Variants in EMCN observed in about 807,000 individuals in gnomAD.
EMCN encodes endomucin.
In EMCN, 37 loss-of-function variants were observed where a neutral mutation model predicts 38.4. That is an observed-to-expected ratio of 0.96 (90% CI 0.74 to 1.27). EMCN has a LOEUF of 1.27. EMCN is among the 50% of genes most tolerant of loss of function. The pLI is 0.00. For missense variants in EMCN, 318 were observed against 302.8 expected, an observed-to-expected ratio of 1.05 and a Z score of -0.37; for synonymous variants, 95 against 100.8, an observed-to-expected ratio of 0.94 and a Z score of 0.35.
In EMCN at chr4:100,486,937, T is replaced by C. The variant is rs577059627; in HGVS notation, c.65-6898A>G. On this transcript the variant is annotated intron_variant, in intron 1 of 11. Coordinates refer to ENST00000296420, the MANE Select transcript of EMCN (RefSeq NM_016242.4). ...AATGGATAATTCTTCAAAGATCATG[T>C]TCCATAGTAATGAGATATTTTTAGA... 3 of 985,388 alleles carry C rather than the reference T, an allele frequency of 3.0e-6. No homozygotes were observed. In the South Asian group the frequency reaches 1.4e-4, roughly 46 times the overall value. The allele number at this position is 985,388 out of a possible 1,614,324, so 61.0% of individuals were successfully genotyped here. A position where few individuals can be genotyped will look rare whatever the true frequency, so the allele number is the denominator to read the frequency against.
chr4:100,408,262 G>A (rs1726450520), intron 11 of EMCN, among the ~76,000 whole-genome samples: 1 of 152,202 alleles, frequency 6.6e-6, no homozygotes, highest in Non-Finnish European at 1.5e-5. Flanking sequence ...CTGCAGAGCA[G>A]CTAGTTCAGT....
chr4:100,486,030 A>G (rs549158631), intron 1 of EMCN, among the ~76,000 whole-genome samples: 9 of 152,212 alleles, frequency 5.9e-5, no homozygotes, highest in Admixed American at 1.3e-4. Flanking sequence ...AGAGTAACTT[A>G]AAAGTTTTTT....
intron 1 of EMCN, among the ~76,000 whole-genome samples, chr4:100,504,825 T>G: frequency 6.6e-6 from 1 of 152,170 alleles, no homozygotes; most frequent in East Asian, 1.9e-4. Flanking sequence ...ACCCTACTCC[T>G]CCACCTCTTG....
At chr4:100,478,463 A>G (rs1728718635) in intron 2 of EMCN, among the ~76,000 whole-genome samples, 1 of 152,092 alleles carries the variant, frequency 6.6e-6, no homozygotes, top group Non-Finnish European at 1.5e-5. Context: ...ATATTTTTTG[A>G]GATGCATATT....
At chr4:100,477,016 T>C (rs188799469) in intron 2 of EMCN, among the ~76,000 whole-genome samples, 324 of 152,334 alleles carry the variant, frequency 2.1e-3, no homozygotes, top group Middle Eastern at 3.4e-3. Flanking sequence ...AGTTTCTACA[T>C]AGAGGATGTA....
At chr4:100,512,053 G>A (rs1189888530) in intron 1 of EMCN, among the ~76,000 whole-genome samples, 1 of 152,144 alleles carries the variant, frequency 6.6e-6, no homozygotes, top group Non-Finnish European at 1.5e-5. Flanking sequence ...AAGAAAGCAG[G>A]ATATATGCAT....
intron 8 of EMCN, 57 bp from the exon 9 acceptor site, chr4:100,417,198 G>T (rs1726761270): frequency 6.5e-7 from 1 of 1,547,122 alleles, no homozygotes; most frequent in Non-Finnish European, 8.9e-7. Flanking sequence ...CCATAAATAT[G>T]AGCAAGCCCC....
At chr4:100,500,856 C>A (rs946834584) in intron 1 of EMCN, among the ~76,000 whole-genome samples, 6 of 151,892 alleles carry the variant, frequency 4.0e-5, no homozygotes, top group Admixed American at 3.3e-4. Flanking sequence ...ATTTTTATTT[C>A]TATTATTGCA....
chr4:100,431,318 G>C (rs866374905), intron 5 of EMCN, among the ~76,000 whole-genome samples: 4 of 152,170 alleles, frequency 2.6e-5, no homozygotes, highest in African/African-American at 9.7e-5. Flanking sequence ...ATATTGAATG[G>C]GCCACAGGTG....
intron 1 of EMCN, among the ~76,000 whole-genome samples, chr4:100,503,053 G>A (rs980722593): frequency 4.6e-5 from 7 of 151,876 alleles, no homozygotes; most frequent in Non-Finnish European, 1.0e-4. Flanking sequence ...TCAACAATAA[G>A]CTAACTTTGT....
Position 100,415,910 on chromosome 4 carries a change from A to C in EMCN, c.739T>G (p.Ser247Ala). ...TCTGGAAACTTACCAGACTCATGAG[A>C]AATTGTCTTAACGGTAAGAAGCTTC... Reference protein sequence around the residue: ...SVKLLTVKTISHESGEHSAQG... With the variant: ...SVKLLTVKTIAHESGEHSAQG... Residue 247 changes from serine to alanine, a missense_variant, in exon 10 of 12, where the codon TCT (serine) becomes GCT (alanine). Coordinates refer to ENST00000296420, the MANE Select transcript of EMCN (RefSeq NM_016242.4). 6.3e-7 allele frequency: 1 copy of C among 1,586,984 alleles called. No homozygotes were observed. Among genetic ancestry groups the C allele is most frequent in the Non-Finnish European group, 8.6e-7 (1 of 1,169,320 alleles).
At chr4:100,477,188 A>C (rs987831821) in intron 2 of EMCN, among the ~76,000 whole-genome samples, 1 of 152,142 alleles carries the variant, frequency 6.6e-6, no homozygotes, top group Non-Finnish European at 1.5e-5. Flanking sequence ...TTATAATTCA[A>C]CTCTAGTATT....
At chr4:100,514,387 G>T (rs1044478844) in intron 1 of EMCN, among the ~76,000 whole-genome samples, 2 of 151,900 alleles carry the variant, frequency 1.3e-5, no homozygotes, top group Non-Finnish European at 2.9e-5. Context: ...CTTCCTTAAA[G>T]CTCTTCCTAG....
intron 5 of EMCN, among the ~76,000 whole-genome samples, chr4:100,441,266 A>G (rs1727509212): frequency 6.6e-6 from 1 of 152,162 alleles, no homozygotes; most frequent in Admixed American, 6.5e-5. Context: ...AAATAATGAC[A>G]TTCTTTGTCT....
Position 100,447,538 on chromosome 4 carries a change from A to G in EMCN, c.410T>C (p.Ile137Thr). The change falls in exon 5 of 12, where the codon ATA becomes ACA. Residue 137 changes from isoleucine (I) to threonine (T), a missense_variant. Transcript: ENST00000296420. ...ETQSSIKTTE[I>T]PGSVLQPDAS... ...ACAGAGAAAAAAGAGCTTACCTGGT[A>G]TTTCTGTTGTTTTAATTGAACTCTG... 6.2e-7 allele frequency: 1 copy of G among 1,602,764 alleles called. No homozygotes were observed. Among genetic ancestry groups the G allele is most frequent in the Non-Finnish European group, 8.5e-7 (1 of 1,170,954 alleles).
chr4:100,396,070 T>G lies in EMCN; in HGVS notation c.*2343A>C, dbSNP rs1726110766. On this transcript the variant is annotated 3_prime_UTR_variant, in exon 12 of 12. Transcript: ENST00000296420. ...AAGTAGATCATCTAAATCAGATAAT[T>G]AAAACATATTTGATTAATGGTAATT... is the stretch of plus-strand genomic sequence containing the variant. The G allele has an allele frequency of 6.6e-6, 1 of 152,170 alleles. No homozygotes were observed. The highest frequency in any genetic ancestry group is 2.4e-5 in the African/African-American group (1 of 41,458). 9.4% of individuals were successfully genotyped at this position (152,170 alleles called of 1,614,324 possible). A position where few individuals can be genotyped will look rare whatever the true frequency, so the allele number is the denominator to read the frequency against.
chr4:100,476,025 G>C (rs942461806), intron 2 of EMCN, among the ~76,000 whole-genome samples: 7 of 151,906 alleles, frequency 4.6e-5, no homozygotes, highest in African/African-American at 1.5e-4. Flanking sequence ...GCATACACTA[G>C]GCATTTAGTC....
rs1325844912 is a variant in EMCN at position 100,438,288 on chromosome 4, TACA to T, written c.415+9242_415+9244del. The stretch of plus-strand genomic sequence containing the variant: ...CAGGGTATTGAGTGCATTTTTGACA[TACA>T]ACATTTTCAACGTATGATGGGTTTA... On this transcript the variant is annotated intron_variant, in intron 5 of 11. Transcript: ENST00000296420. Among the ~76,000 whole-genome samples the T allele has an allele frequency of 3.9e-5, 6 of 152,212 alleles. No individual in the cohort carries two copies. The East Asian group carries it at 1.2e-3, about 29-fold the overall frequency.
chr4:100,414,138 G>A (rs1275449369), intron 10 of EMCN, among the ~76,000 whole-genome samples: 3 of 152,066 alleles, frequency 2.0e-5, no homozygotes, highest in Admixed American at 2.0e-4. Flanking sequence ...GGAGAGCCAG[G>A]AGCTTCTACA....
Sources: gnomAD v4.1 joint callset for allele counts (sites outside exome capture counted in the v4.1 genomes callset) on GRCh38, gnomAD v4.1.1 for gene constraint, MANE v1.5 for transcripts, NCBI Gene and HGNC (gene_info 2026-07-23, HGNC 2026-07-21) for gene names.